The following TMEM178B variants were observed in gnomAD, a reference collection of about 807,000 sequenced individuals.
TMEM178B encodes transmembrane protein 178B.
Under a neutral mutation model 31.0 loss-of-function variants are expected in TMEM178B, and 5 were observed. That is an observed-to-expected ratio of 0.16 (90% CI 0.08 to 0.34). The LOEUF (loss-of-function observed/expected upper bound fraction) is 0.34. TMEM178B is among the 10% of genes least tolerant of loss of function. TMEM178B has a pLI of 1.00. For missense variants in TMEM178B, 275 were observed against 400.3 expected (o/e 0.69, Z 2.67); for synonymous variants, 164 against 164.0 (o/e 1.00, Z 0.00).
intron 2 of TMEM178B, among the ~76,000 whole-genome samples, chr7:141,431,859 A>G (rs1205166506): frequency 6.6e-6 from 1 of 152,216 alleles, no homozygotes; most frequent in Non-Finnish European, 1.5e-5. Context: ...AAGAAATAAA[A>G]AGGCAGTTTC....
rs57969132 is a variant in TMEM178B, at chr7:141,180,463, CAAAAAAAAAAAAA to C, written c.383-32120_383-32108del. 6.5e-4 allele frequency among the ~76,000 whole-genome samples: 54 copies of C among 83,282 alleles called. 1 individual carries two copies. Among genetic ancestry groups the C allele is most frequent in the African/African-American group, 2.4e-3 (53 of 22,434 alleles). The allele number at this position is 83,282 out of a possible 152,430, so 54.6% of individuals were successfully genotyped here. A position where few individuals can be genotyped will look rare whatever the true frequency, so the allele number is the denominator to read the frequency against. On this transcript the variant is annotated intron_variant, in intron 1 of 3. Transcript: ENST00000565468. ...AGAGAGACAGAGAGAGAGCCCATCT[CAAAAAAAAAAAAA>C]AAAAAAAGAAAGAAAGAAAAAGAAA...
intron 2 of TMEM178B, among the ~76,000 whole-genome samples, chr7:141,346,750 T>C (rs987689449): frequency 2.2e-4 from 33 of 152,188 alleles, no homozygotes; most frequent in Admixed American, 2.2e-3. Flanking sequence ...CAGTGTGTGG[T>C]ACACACACAA....
chr7:141,346,999 G>A (rs1799630934), intron 2 of TMEM178B, among the ~76,000 whole-genome samples: 1 of 152,020 alleles, frequency 6.6e-6, no homozygotes, highest in Non-Finnish European at 1.5e-5. Context: ...AGATCTGATG[G>A]TTTAAGTGTG....
intron 1 of TMEM178B, among the ~76,000 whole-genome samples, chr7:141,126,648 G>A (rs1267731270): frequency 6.6e-6 from 1 of 152,220 alleles, no homozygotes; most frequent in Non-Finnish European, 1.5e-5. Flanking sequence ...TTGATCAGGG[G>A]AATGACATGC....
At chr7:141,144,464 T>C (rs1400048033) in intron 1 of TMEM178B, among the ~76,000 whole-genome samples, 1 of 152,224 alleles carries the variant, frequency 6.6e-6, no homozygotes, top group African/African-American at 2.4e-5. Context: ...CTAATTATTT[T>C]TTCTCTGTTG....
At chr7:141,094,334 G>C (rs1794924326) in intron 1 of TMEM178B, among the ~76,000 whole-genome samples, 1 of 152,206 alleles carries the variant, frequency 6.6e-6, no homozygotes, top group African/African-American at 2.4e-5. Flanking sequence ...AGAGCTTTAT[G>C]CTTTTTAGAA....
At chr7:141,219,125 C>A (rs1797212752) in intron 2 of TMEM178B, among the ~76,000 whole-genome samples, 1 of 152,188 alleles carries the variant, frequency 6.6e-6, no homozygotes, top group Non-Finnish European at 1.5e-5. Context: ...GACGTTTCCT[C>A]CCAGGAGTCC....
downstream of TMEM178B, among the ~76,000 whole-genome samples, chr7:141,481,561 G>A (rs969473404): frequency 7.9e-5 from 12 of 152,200 alleles, 1 homozygote; most frequent in Admixed American, 7.9e-4. Flanking sequence ...CCTTGCACAA[G>A]AAGACCTGCG....
chr7:141,272,677 C>T (rs538296691), intron 2 of TMEM178B, among the ~76,000 whole-genome samples: 90 of 152,346 alleles, frequency 5.9e-4, no homozygotes, highest in African/African-American at 2.1e-3. Context: ...CCCCTCTGCA[C>T]ATCAGCCCGT....
intron 2 of TMEM178B, among the ~76,000 whole-genome samples, chr7:141,356,669 C>A (rs1229661978): frequency 6.6e-6 from 1 of 151,316 alleles, no homozygotes; most frequent in East Asian, 2.0e-4. Flanking sequence ...TGGTCTCTGC[C>A]TCAGGATGAG....
At chr7:141,346,541 A>G (rs1799623370) in intron 2 of TMEM178B, among the ~76,000 whole-genome samples, 1 of 152,014 alleles carries the variant, frequency 6.6e-6, no homozygotes, top group South Asian at 2.1e-4. Flanking sequence ...ATGTGCCCTT[A>G]CCTGTACTTC....
chr7:141,255,347 C>T (rs1408410951), intron 2 of TMEM178B, among the ~76,000 whole-genome samples: 2 of 152,126 alleles, frequency 1.3e-5, no homozygotes, highest in Non-Finnish European at 2.9e-5. Flanking sequence ...TGTTATTTGA[C>T]AAGACTTTGC....
chr7:141,454,942 A>G (rs1278718214), intron 3 of TMEM178B, among the ~76,000 whole-genome samples: 1 of 151,754 alleles, frequency 6.6e-6, no homozygotes, highest in Non-Finnish European at 1.5e-5. Context: ...AAGGGCTGCC[A>G]GGTAGAGACC....
intron 2 of TMEM178B, among the ~76,000 whole-genome samples, chr7:141,298,305 G>T (rs1001541271): frequency 2.6e-5 from 4 of 152,136 alleles, no homozygotes; most frequent in Admixed American, 6.6e-5. Context: ...CATTCTGTAG[G>T]TTGCCTGTTC....
Position 141,153,244 on chromosome 7 carries a change from TC to T in TMEM178B, c.383-59342del, listed in dbSNP as rs141789875. On this transcript the variant is annotated intron_variant, in intron 1 of 3. Coordinates refer to ENST00000565468, the MANE Select transcript of TMEM178B (RefSeq NM_001195278.2). The stretch of plus-strand genomic sequence containing the variant: ...GAAAGTGCTGATTTATAGACTGCTT[TC>T]CCCCATCTCTGCAATATATTTTGAA... Among the ~76,000 whole-genome samples, 1,169 of 152,316 alleles carry T rather than the reference TC, an allele frequency of 7.7e-3. 19 individuals carry two copies. Among genetic ancestry groups the T allele is most frequent in the African/African-American group, 0.025 (1,028 of 41,550 alleles).
intron 2 of TMEM178B, among the ~76,000 whole-genome samples, chr7:141,258,751 CTTCT>C (rs781616222): frequency 1.1e-4 from 17 of 152,180 alleles, no homozygotes; most frequent in South Asian, 4.1e-4. Context: ...GAGTTTTTGT[CTTCT>C]TTCTTTCTTT....
intron 1 of TMEM178B, among the ~76,000 whole-genome samples, chr7:141,093,089 G>A (rs528409712): frequency 1.6e-4 from 24 of 152,310 alleles, no homozygotes; most frequent in African/African-American, 5.8e-4. Flanking sequence ...AGGATTTTGA[G>A]AAGAGGAGCG....
intron 1 of TMEM178B, among the ~76,000 whole-genome samples, chr7:141,164,006 G>T (rs1430058116): frequency 6.6e-6 from 1 of 152,122 alleles, no homozygotes; most frequent in Non-Finnish European, 1.5e-5. Flanking sequence ...TAAGACATTT[G>T]TAACTCAGAT....
intron 2 of TMEM178B, among the ~76,000 whole-genome samples, chr7:141,256,105 T>C (rs1278764684): frequency 2.6e-5 from 4 of 152,202 alleles, no homozygotes; most frequent in Non-Finnish European, 5.9e-5. Flanking sequence ...TATTCACTTA[T>C]TTATTCATTC....
Sources: allele counts gnomAD v4.1 joint callset (sites outside exome capture counted in the v4.1 genomes callset), GRCh38; gene constraint gnomAD v4.1.1; transcripts MANE v1.5; gene names NCBI Gene and HGNC (gene_info 2026-07-23, HGNC 2026-07-21).